TEX11: variants seen among roughly 807,000 people sequenced by gnomAD.
TEX11 encodes the protein testis expressed 11, also known as testis-expressed protein 11.
In TEX11, 7 loss-of-function variants were observed where a neutral mutation model predicts 84.4. That is an observed-to-expected ratio of 0.08 (90% CI 0.05 to 0.16). The LOEUF (loss-of-function observed/expected upper bound fraction) is 0.16. Among genes scored for constraint, TEX11 ranks in the 10% least tolerant of loss-of-function variants. The pLI is 1.00. For synonymous variants in TEX11, 264 were observed against 222.8 expected (o/e 1.18, Z -1.64); for missense variants, 551 against 660.5 (o/e 0.83, Z 1.82).
At chrX:70,519,632 G>A in the TEX11 span, among the ~76,000 whole-genome samples, 127 of 111,015 alleles carry the variant, frequency 1.1e-3, no homozygotes, top group Non-Finnish European at 1.8e-3. Flanking sequence ...TGGTGTTCTC[G>A]GAATTTCCCC....
At chrX:70,521,735 A>G in the TEX11 span, among the ~76,000 whole-genome samples, 1 of 112,015 alleles carries the variant, frequency 8.9e-6, no homozygotes, top group African/African-American at 3.2e-5. Context: ...TCAGTTTGTG[A>G]GAGCATAAGG....
At chrX:70,673,580 A>G (rs1452934665) in intron 15 of TEX11, 3 of 108,585 alleles carry the variant, frequency 2.8e-5, no homozygotes, top group Non-Finnish European at 3.8e-5. Context: ...TAATTTTATA[A>G]TCTATTTAAT....
In TEX11 at chrX:70,579,363, C is replaced by T. The variant is rs775232174; in HGVS notation, c.2140+12388G>A. On this transcript the variant is annotated intron_variant, in intron 25 of 29. Coordinates refer to ENST00000374333, the MANE Select transcript of TEX11 (RefSeq NM_031276.3). ...AAAAAAAATTAGCTGGGTGTGGTGG[C>T]GGGCGCCTGTAGTCCCAGCTACTCG... Among the ~76,000 whole-genome samples, 18 of 106,089 alleles carry T rather than the reference C, an allele frequency of 1.7e-4. No homozygotes were observed. In the East Asian group the frequency reaches 2.7e-3, roughly 16 times the overall value. 92.1% of individuals were successfully genotyped at this position (106,089 alleles called of 115,157 possible).
chrX:70,527,564 T>A (rs150347557), downstream of TEX11, among the ~76,000 whole-genome samples: 423 of 112,277 alleles, frequency 3.8e-3, 2 homozygotes, highest in African/African-American at 0.013. Flanking sequence ...GGTAGAAGCA[T>A]GACAACTAAA....
chrX:70,775,333 A>C (rs1416100674), intron 9 of TEX11, among the ~76,000 whole-genome samples: 1 of 111,528 alleles, frequency 9.0e-6, no homozygotes, highest in Non-Finnish European at 1.9e-5. Context: ...CGAATAGACA[A>C]ATGGTACCAT....
At chrX:70,572,664 T>C (rs1450492588) in intron 25 of TEX11, among the ~76,000 whole-genome samples, 2 of 110,183 alleles carry the variant, frequency 1.8e-5, no homozygotes, top group Admixed American at 9.7e-5. Context: ...TGGAATACTA[T>C]GCAGCCATAA....
chrX:70,711,458 C>G (rs1353576622), intron 13 of TEX11, among the ~76,000 whole-genome samples: 1 of 109,354 alleles, frequency 9.1e-6, no homozygotes, highest in Non-Finnish European at 1.9e-5. Flanking sequence ...CTGTTGTTTC[C>G]TGACTTTTTA....
intron 11 of TEX11, among the ~76,000 whole-genome samples, chrX:70,729,676 C>A (rs2090629211): frequency 8.9e-6 from 1 of 111,745 alleles, no homozygotes; most frequent in Admixed American, 9.5e-5. Flanking sequence ...ACCAAATCTG[C>A]GTCTGATTGG....
intron 12 of TEX11, among the ~76,000 whole-genome samples, chrX:70,724,950 T>C (rs1361418184): frequency 3.6e-5 from 4 of 110,878 alleles, no homozygotes; most frequent in Non-Finnish European, 5.7e-5. Flanking sequence ...TAATAGGTAA[T>C]CTTTCTTTCT....
chrX:70,725,178 G>C (rs960414602), intron 12 of TEX11, 84 bp downstream of exon 12: 4 of 573,171 alleles, frequency 7.0e-6, no homozygotes, highest in African/African-American at 6.9e-5. Context: ...TACACCTATT[G>C]TTAGTATACT....
intron 16 of TEX11, among the ~76,000 whole-genome samples, chrX:70,663,760 A>G (rs2089951874): frequency 8.9e-6 from 1 of 112,017 alleles, no homozygotes; most frequent in Non-Finnish European, 1.9e-5. Flanking sequence ...AGCTTATTGA[A>G]TGAGTATTGC....
intron 9 of TEX11, among the ~76,000 whole-genome samples, chrX:70,787,627 C>T (rs998537920): frequency 9.0e-6 from 1 of 111,392 alleles, no homozygotes; most frequent in South Asian, 3.8e-4. Context: ...CTGCACCCGG[C>T]CCCCTCTTGC....
intron 17 of TEX11, among the ~76,000 whole-genome samples, chrX:70,637,128 G>A (rs1238620455): frequency 8.9e-6 from 1 of 111,915 alleles, no homozygotes; most frequent in Non-Finnish European, 1.9e-5. Context: ...CATACACATG[G>A]CCAACAAATG....
rs768529268 is a variant in TEX11, at chrX:70,548,956, C to T, written c.2520+3170G>A. Among the ~76,000 whole-genome samples, 5 of 111,301 alleles carry T rather than the reference C, an allele frequency of 4.5e-5. No homozygotes were observed. In the East Asian group the frequency reaches 1.4e-3, roughly 32 times the overall value. ...CAGCCAAGGGAGTGATTGCACGACC[C>T]CTCCCTCAACCCCAGGCAGTGCAGT... On this transcript the variant is annotated intron_variant, in intron 28 of 29. Transcript: ENST00000374333.
At chrX:70,706,456 ATAAAAAAAGATAGGTCC>A (rs1170366895) in intron 13 of TEX11, among the ~76,000 whole-genome samples, 6 of 111,216 alleles carry the variant, frequency 5.4e-5, no homozygotes, top group African/African-American at 2.0e-4. Context: ...TAAAGTATAT[ATAAAAAAAGATAGGTCC>A]TAAGGATAGT....
At chrX:70,825,713 C>T (rs1027115347) in intron 8 of TEX11, among the ~76,000 whole-genome samples, 2 of 112,336 alleles carry the variant, frequency 1.8e-5, no homozygotes, top group African/African-American at 3.2e-5. Context: ...TGGTGGCTCA[C>T]GCCTATAATC....
At chrX:70,723,970 T>C in intron 12 of TEX11, 1 of 458,057 alleles carries the variant, frequency 2.2e-6, no homozygotes, top group Non-Finnish European at 2.7e-6. Context: ...TAATCTGTAA[T>C]CAAACTATGA....
At position 70,623,983 on chromosome X, in the gene TEX11, G is replaced by C; in HGVS notation, c.1718C>G (p.Pro573Arg). The change falls in exon 20 of 30, where the codon CCA becomes CGA. Residue 573 changes from proline (P) to arginine (R), a missense_variant. Physicochemically the swap from Pro to Arg is moderately radical, Grantham distance 103. Transcript: ENST00000374333. ...AGATTCCGGCATTTCAGCAATTTTT[G>C]GAAGAAGAAAACGAAGCAAACACCT... The part of the protein sequence containing the change: ...AVKCLLRFLL[P>R]KIAEMPESED... The C allele has an allele frequency of 8.3e-7, 1 of 1,204,519 alleles. No individual in the cohort carries two copies. The highest frequency in any genetic ancestry group is 1.1e-6 in the Non-Finnish European group (1 of 891,881).
intron 25 of TEX11, among the ~76,000 whole-genome samples, chrX:70,582,761 TATG>T (rs2088796009): frequency 2.8e-5 from 2 of 72,192 alleles, no homozygotes; most frequent in Non-Finnish European, 5.8e-5. Context: ...TTTATTTATT[TATG>T]TGATGGAATC....
Sources: allele counts gnomAD v4.1 joint callset (sites outside exome capture counted in the v4.1 genomes callset), GRCh38; gene constraint gnomAD v4.1.1; transcripts MANE v1.5; gene names NCBI Gene and HGNC (gene_info 2026-07-23, HGNC 2026-07-21).